The following INIP variants were observed in gnomAD, a reference collection of about 807,000 sequenced individuals.
INIP encodes the protein INTS3 and NABP interacting protein, also known as SOSS complex subunit C.
A neutral mutation model predicts 14.0 loss-of-function variants in INIP; 9 were observed. The observed-to-expected ratio is 0.64, with a 90% confidence interval of 0.39 to 1.12. The LOEUF is 1.12. Among genes scored for constraint, INIP ranks in the 50% most tolerant of loss-of-function variants. The probability of loss-of-function intolerance (pLI) is 0.01; values close to 1 mark genes in which losing one functional copy is unlikely to be tolerated. For synonymous variants in INIP, 37 were observed against 41.5 expected (o/e 0.89, Z 0.41); for missense variants, 78 against 122.7 (o/e 0.64, Z 1.72).
In INIP at chr9:112,701,217, A is replaced by G. The variant is rs537062504; in HGVS notation, c.26-6984T>C. Among the ~76,000 whole-genome samples the G allele has an allele frequency of 3.3e-5, 5 of 152,344 alleles. No individual in the cohort carries two copies. The East Asian group carries it at 9.6e-4, about 29-fold the overall frequency. On this transcript the variant is annotated intron_variant, in intron 2 of 4. Coordinates refer to ENST00000374242, the MANE Select transcript of INIP (RefSeq NM_021218.3). ...CAGGTACTCAGGAGGCTGAGGCATA[A>G]GAATTGCTTGAACTGGGAGGTGGAG...
At chr9:112,702,780 G>A (rs746691606) in intron 2 of INIP, among the ~76,000 whole-genome samples, 22 of 152,090 alleles carry the variant, frequency 1.4e-4, no homozygotes, top group Non-Finnish European at 2.4e-4. Context: ...GGCCAGGATG[G>A]TCTTGATCTC....
chr9:112,716,604 A>G, intron 1 of INIP, 63 bp from the exon 2 acceptor site: 1 of 836,378 alleles, frequency 1.2e-6, no homozygotes, highest in Non-Finnish European at 2.0e-6. Context: ...TAAAAGGAAC[A>G]GCTAGCCTCC....
chr9:112,701,530 G>A (rs1488763808), intron 2 of INIP, among the ~76,000 whole-genome samples: 3 of 152,228 alleles, frequency 2.0e-5, no homozygotes, highest in South Asian at 4.1e-4. Context: ...ATTATGGGAA[G>A]ACGTGTTTAA....
rs768503746 is a variant in INIP at position 112,687,539 on chromosome 9, C to T, written c.314G>A (p.Ter105=). 2 of 1,589,798 alleles carry T rather than the reference C, an allele frequency of 1.3e-6. No individual in the cohort carries two copies. The highest frequency in any genetic ancestry group is 1.7e-6 in the Non-Finnish European group (2 of 1,159,094). The change falls in exon 5 of 5, where the codon TGA becomes TAA. Residue 105 remains the stop codon, a stop_retained_variant. Coordinates refer to ENST00000374242, the MANE Select transcript of INIP (RefSeq NM_021218.3). ...LPVLPRLDPE[*] ...ACTTTTCCATCGCAAATGTTTTCTT[C>T]ATTCTGGGTCAAGGCGAGGTAAAAC...
chr9:112,695,610 C>T (rs931596588), intron 2 of INIP, among the ~76,000 whole-genome samples: 1 of 152,084 alleles, frequency 6.6e-6, no homozygotes, highest in Non-Finnish European at 1.5e-5. Flanking sequence ...AAATAAACCT[C>T]TGGCACATTC....
intron 2 of INIP, among the ~76,000 whole-genome samples, chr9:112,706,432 T>C (rs1361930678): frequency 1.3e-5 from 2 of 151,888 alleles, no homozygotes; most frequent in East Asian, 1.9e-4. Flanking sequence ...TTTTCAATTT[T>C]GTGTAGAGAC....
Position 112,699,464 on chromosome 9 carries a change from CAG to C in INIP, c.26-5233_26-5232del, listed in dbSNP as rs972131396. On this transcript the variant is annotated intron_variant, in intron 2 of 4. Transcript: ENST00000374242. The stretch of plus-strand genomic sequence containing the variant: ...GGCCAAGGTAGTACAATAAGATATT[CAG>C]AGAGAGAGAGAGACCACATTCACAC... Among the ~76,000 whole-genome samples the C allele has an allele frequency of 4.0e-5, 6 of 151,654 alleles. No individual in the cohort carries two copies. The South Asian group carries it at 6.2e-4, about 16-fold the overall frequency.
In INIP at chr9:112,690,849, G is replaced by A. The variant is rs527519759; in HGVS notation, c.129-1232C>T. Among the ~76,000 whole-genome samples, 6 of 152,286 alleles carry A rather than the reference G, an allele frequency of 3.9e-5. 1 individual carries two copies. The South Asian group carries it at 1.2e-3, about 32-fold the overall frequency. ...TTTTCCTCTACAGGTGGCTCAGTGC[G>A]GGGTGATGCCTAAGCCACTGCAGTC... On this transcript the variant is annotated intron_variant, in intron 3 of 4. Coordinates refer to ENST00000374242, the MANE Select transcript of INIP (RefSeq NM_021218.3).
chr9:112,712,773 A>C (rs1838685474), intron 2 of INIP, among the ~76,000 whole-genome samples: 1 of 152,206 alleles, frequency 6.6e-6, no homozygotes, highest in Admixed American at 6.5e-5. Flanking sequence ...AGAAAAACAC[A>C]GAAAAAAATA....
At chr9:112,698,890 G>A (rs936886612) in intron 2 of INIP, among the ~76,000 whole-genome samples, 1 of 152,078 alleles carries the variant, frequency 6.6e-6, no homozygotes, top group Non-Finnish European at 1.5e-5. Context: ...GTAGAGAAGG[G>A]AATTGTTCTT....
At chr9:112,700,489 CCAT>C (rs1242105577) in intron 2 of INIP, among the ~76,000 whole-genome samples, 4 of 148,632 alleles carry the variant, frequency 2.7e-5, no homozygotes, top group Non-Finnish European at 5.9e-5. Context: ...TTTATCAGGG[CCAT>C]CTCCAAAAAG....
chr9:112,691,181 A>G (rs1453197342), intron 3 of INIP, among the ~76,000 whole-genome samples: 1 of 152,244 alleles, frequency 6.6e-6, no homozygotes, highest in East Asian at 1.9e-4. Context: ...TCAGGATAGC[A>G]TCAGTAGCAA....
chr9:112,710,024 A>G (rs555190057), intron 2 of INIP, among the ~76,000 whole-genome samples: 6 of 152,376 alleles, frequency 3.9e-5, no homozygotes, highest in Admixed American at 3.9e-4. Flanking sequence ...GTACAAATAG[A>G]AGAATTTTCA....
intron 2 of INIP, among the ~76,000 whole-genome samples, chr9:112,712,410 C>A (rs1220010604): frequency 1.3e-5 from 2 of 152,044 alleles, no homozygotes; most frequent in Non-Finnish European, 1.5e-5. Flanking sequence ...TCCAGAGTTT[C>A]CACAATGTCC....
chr9:112,701,642 C>T (rs886287523), intron 2 of INIP: 7 of 152,080 alleles, frequency 4.6e-5, no homozygotes, highest in African/African-American at 1.7e-4. Context: ...TGTATATATA[C>T]AAATTGCACA....
intron 2 of INIP, among the ~76,000 whole-genome samples, chr9:112,708,422 G>A (rs1838549030): frequency 6.6e-6 from 1 of 152,156 alleles, no homozygotes; most frequent in Non-Finnish European, 1.5e-5. Flanking sequence ...TTTAGTGGAT[G>A]GAAATGCAGA....
At chr9:112,692,763 G>GT (rs1311555458) in intron 3 of INIP, among the ~76,000 whole-genome samples, 1 of 151,780 alleles carries the variant, frequency 6.6e-6, no homozygotes, top group Admixed American at 6.6e-5. Flanking sequence ...TAAGGGCTAG[G>GT]TGCAGTGGCT....
intron 2 of INIP, among the ~76,000 whole-genome samples, chr9:112,708,385 T>C (rs1422683774): frequency 6.6e-6 from 1 of 152,114 alleles, no homozygotes; most frequent in Non-Finnish European, 1.5e-5. Context: ...ACTATCACAG[T>C]AGAAAGAGCT....
chr9:112,707,916 C>G (rs1309094591), intron 2 of INIP, among the ~76,000 whole-genome samples: 1 of 152,150 alleles, frequency 6.6e-6, no homozygotes, highest in Non-Finnish European at 1.5e-5. Flanking sequence ...ATTGATTCAA[C>G]AAATATTTAT....
Sources: allele counts gnomAD v4.1 joint callset (sites outside exome capture counted in the v4.1 genomes callset), GRCh38; gene constraint gnomAD v4.1.1; transcripts MANE v1.5; gene names NCBI Gene and HGNC (gene_info 2026-07-23, HGNC 2026-07-21).